DPYD: variants seen among roughly 807,000 people sequenced by gnomAD.
DPYD encodes the protein dihydropyrimidine dehydrogenase, also known as dihydropyrimidine dehydrogenase [NADP(+)].
In DPYD, 109 loss-of-function variants were observed where a neutral mutation model predicts 116.2. That is an observed-to-expected ratio of 0.94 (90% CI 0.80 to 1.10). DPYD has a LOEUF of 1.10. Ranked by LOEUF, DPYD falls within the 50% of genes least tolerant of loss-of-function variation. DPYD has a pLI of 0.00. For missense variants in DPYD, 1,302 were observed against 1,254.5 expected, an observed-to-expected ratio of 1.04 and a Z score of -0.57; for synonymous variants, 440 against 432.0, an observed-to-expected ratio of 1.02 and a Z score of -0.23.
intron 3 of DPYD, among the ~76,000 whole-genome samples, chr1:97,827,726 CCT>C (rs1251893828): frequency 6.6e-6 from 1 of 151,806 alleles, no homozygotes; most frequent in Non-Finnish European, 1.5e-5. Flanking sequence ...AATGTAAGTA[CCT>C]CTCTTTAAAT....
At chr1:97,138,935 C>G (rs1402345036) in intron 20 of DPYD, among the ~76,000 whole-genome samples, 1 of 152,086 alleles carries the variant, frequency 6.6e-6, no homozygotes, top group African/African-American at 2.4e-5. Context: ...ATGTATTCCA[C>G]CCTCATAACA....
chr1:97,837,886 T>C (rs1264432274), intron 2 of DPYD, among the ~76,000 whole-genome samples: 5 of 152,166 alleles, frequency 3.3e-5, no homozygotes, highest in Admixed American at 1.3e-4. Flanking sequence ...AGGCACCCAC[T>C]ATTTTTTATT....
chr1:97,435,710 G>A (rs1266794549), intron 14 of DPYD, among the ~76,000 whole-genome samples: 8 of 151,878 alleles, frequency 5.3e-5, no homozygotes, highest in Non-Finnish European at 1.5e-5. Flanking sequence ...AAACAATAAA[G>A]AGGATGCTTT....
chr1:97,230,648 A>T (rs1223331476), intron 19 of DPYD, among the ~76,000 whole-genome samples: 1 of 152,216 alleles, frequency 6.6e-6, no homozygotes, highest in Non-Finnish European at 1.5e-5. Context: ...TAAAAAAAGA[A>T]ATCCAAGCCA....
At position 97,705,116 on chromosome 1, in the gene DPYD, T is replaced by A. The variant is rs570992634; in HGVS notation, c.484-5569A>T. On this transcript the variant is annotated intron_variant, in intron 5 of 22. Transcript: ENST00000370192. The stretch of plus-strand genomic sequence containing the variant: ...AGATTTTATCTTAAGGCTACTTGAC[T>A]CCAAAGCCTGAACTCTTTTTTTTTT... 2.6e-5 allele frequency among the ~76,000 whole-genome samples: 4 copies of A among 151,560 alleles called. No individual in the cohort carries two copies. The South Asian group carries it at 8.4e-4, about 32-fold the overall frequency.
At chr1:97,469,496 A>T (rs1406584539) in intron 13 of DPYD, among the ~76,000 whole-genome samples, 1 of 151,542 alleles carries the variant, frequency 6.6e-6, no homozygotes, top group Non-Finnish European at 1.5e-5. Flanking sequence ...TTTAAAAAAC[A>T]GTTCTAATAT....
intron 2 of DPYD, among the ~76,000 whole-genome samples, chr1:97,882,097 C>G (rs189478035): frequency 1.3e-5 from 2 of 151,728 alleles, no homozygotes; most frequent in Non-Finnish European, 2.9e-5. Context: ...CATTAAACTG[C>G]GTCATGGCTT....
At chr1:97,787,294 A>T (rs970313661) in intron 3 of DPYD, among the ~76,000 whole-genome samples, 4 of 152,240 alleles carry the variant, frequency 2.6e-5, no homozygotes, top group African/African-American at 9.6e-5. Context: ...AAGTAAAATG[A>T]AATAAGTGAG....
intron 14 of DPYD, among the ~76,000 whole-genome samples, chr1:97,393,890 T>C (rs1422888131): frequency 6.6e-6 from 1 of 152,164 alleles, no homozygotes; most frequent in Admixed American, 6.6e-5. Context: ...ATGGTTGAAT[T>C]AGTTTACAGT....
At position 97,619,536 on chromosome 1, in the gene DPYD, G is replaced by A. The variant is rs149338280; in HGVS notation, c.851-24370C>T. ...AATCTGCTTTTCTTTCAAATGTATTGCCTATATTAAATCCGCATCCACCCT... is the reference window on the plus strand; with the variant it reads ...AATCTGCTTTTCTTTCAAATGTATTACCTATATTAAATCCGCATCCACCCT... On this transcript the variant is annotated intron_variant, in intron 8 of 22. Coordinates refer to ENST00000370192, the MANE Select transcript of DPYD (RefSeq NM_000110.4). Among the ~76,000 whole-genome samples, 13 of 152,162 alleles carry A rather than the reference G, an allele frequency of 8.5e-5. No homozygotes were observed. In the East Asian group the frequency reaches 2.5e-3, roughly 29 times the overall value.
intron 13 of DPYD, among the ~76,000 whole-genome samples, chr1:97,475,624 T>C (rs1240438428): frequency 6.6e-6 from 1 of 152,228 alleles, no homozygotes; most frequent in East Asian, 1.9e-4. Context: ...TTACTCTTTG[T>C]GGATCTGTCT....
At chr1:97,713,564 T>C (rs1418927172) in intron 5 of DPYD, among the ~76,000 whole-genome samples, 1 of 152,154 alleles carries the variant, frequency 6.6e-6, no homozygotes, top group Non-Finnish European at 1.5e-5. Context: ...TGGAGAAGAA[T>C]GTCAGATATT....
intron 3 of DPYD, among the ~76,000 whole-genome samples, chr1:97,785,139 T>C (rs1025282613): frequency 6.6e-6 from 1 of 152,182 alleles, no homozygotes; most frequent in Non-Finnish European, 1.5e-5. Context: ...CTTTTATTTG[T>C]AGAAAGAGAA....
intron 1 of DPYD, among the ~76,000 whole-genome samples, chr1:97,911,758 G>T (rs1673949048): frequency 6.6e-6 from 1 of 151,964 alleles, no homozygotes. Flanking sequence ...TAATATAAAA[G>T]TTTCCATCAC....
intron 8 of DPYD, among the ~76,000 whole-genome samples, chr1:97,648,963 T>C (rs1658424915): frequency 6.6e-6 from 1 of 152,018 alleles, no homozygotes; most frequent in African/African-American, 2.4e-5. Context: ...ATTCGTATTA[T>C]ATTTGTAGTA....
chr1:97,452,220 T>C (rs1202210857), intron 13 of DPYD, among the ~76,000 whole-genome samples: 1 of 152,170 alleles, frequency 6.6e-6, no homozygotes, highest in Non-Finnish European at 1.5e-5. Flanking sequence ...CTCTGACTCA[T>C]GCCACCATAA....
intron 18 of DPYD, among the ~76,000 whole-genome samples, chr1:97,257,464 A>AGAGAGAGAGGG: frequency 7.2e-6 from 1 of 138,236 alleles, no homozygotes; most frequent in African/African-American, 2.9e-5. Flanking sequence ...GAGAGAGAGA[A>AGAGAGAGAGGG]AGAGAGAGAG....
intron 20 of DPYD, among the ~76,000 whole-genome samples, chr1:97,128,479 AT>A (rs1264460950): frequency 6.6e-6 from 1 of 152,150 alleles, no homozygotes; most frequent in East Asian, 1.9e-4. Flanking sequence ...AATAATTCCA[AT>A]TCCTTTGCAT....
At chr1:97,685,282 A>AAATTCAAT (rs2100932656) in intron 7 of DPYD, among the ~76,000 whole-genome samples, 1 of 152,350 alleles carries the variant, frequency 6.6e-6, no homozygotes, top group South Asian at 2.1e-4. Flanking sequence ...TCCTTTGATA[A>AAATTCAAT]AATTCAATAT....
Sources: allele counts gnomAD v4.1 joint callset (sites outside exome capture counted in the v4.1 genomes callset), GRCh38; gene constraint gnomAD v4.1.1; transcripts MANE v1.5; gene names NCBI Gene and HGNC (gene_info 2026-07-23, HGNC 2026-07-21).